The following BCL7C variants were observed in gnomAD, a reference collection of about 807,000 sequenced individuals.
The protein encoded by BCL7C is BAF chromatin remodeling complex subunit BCL7C, also known as B-cell CLL/lymphoma 7 protein family member C.
BCL7C carries 8 observed loss-of-function variants against 26.2 expected under a neutral mutation model. That is an observed-to-expected ratio of 0.30 (90% CI 0.18 to 0.55). BCL7C has a LOEUF of 0.55. Ranked by LOEUF, BCL7C falls within the 20% of genes least tolerant of loss-of-function variation. The pLI, the probability that BCL7C is intolerant of heterozygous loss-of-function variation, is 0.93. For missense variants in BCL7C, 262 were observed against 298.5 expected (o/e 0.88, Z 0.90); for synonymous variants, 90 against 116.5 (o/e 0.77, Z 1.47).
At chr16:30,890,899 C>T (rs924737675) in intron 4 of BCL7C, among the ~76,000 whole-genome samples, 1 of 151,882 alleles carries the variant, frequency 6.6e-6, no homozygotes, top group African/African-American at 2.4e-5. Context: ...GCGGGAGAAT[C>T]GCTTGAACCC....
chr16:30,873,495 T>C (rs2054899267), intron 5 of BCL7C, among the ~76,000 whole-genome samples: 2 of 152,166 alleles, frequency 1.3e-5, no homozygotes, highest in Admixed American at 6.6e-5. Flanking sequence ...CTGTACACTT[T>C]AAATGGGTGA....
intron 5 of BCL7C, among the ~76,000 whole-genome samples, chr16:30,873,441 G>A (rs1452158351): frequency 6.6e-6 from 1 of 152,152 alleles, no homozygotes; most frequent in Non-Finnish European, 1.5e-5. Flanking sequence ...AAAATTGACT[G>A]TGGTGATATT....
intron 4 of BCL7C, among the ~76,000 whole-genome samples, chr16:30,891,960 TA>T (rs1230112354): frequency 1.8e-5 from 2 of 109,052 alleles, no homozygotes; most frequent in Non-Finnish European, 3.6e-5. Flanking sequence ...ACCTTGTCTC[TA>T]AAAAAAAGGG....
At chr16:30,888,035 C>G in intron 5 of BCL7C, 45 bp from the exon 6 acceptor site, 4 of 1,563,984 alleles carry the variant, frequency 2.6e-6, no homozygotes, top group Non-Finnish European at 3.5e-6. Context: ...AGAACCCAGG[C>G]GTCCAGCCTC....
chr16:30,856,593 C>T (rs540728895), intron 5 of BCL7C, among the ~76,000 whole-genome samples: 1 of 152,176 alleles, frequency 6.6e-6, no homozygotes, highest in East Asian at 1.9e-4. Flanking sequence ...TGTGCAGCCA[C>T]TGAAGTCTGC....
chr16:30,888,824 C>T (rs1485603980), intron 5 of BCL7C, 36 bp downstream of exon 5: 7 of 1,605,408 alleles, frequency 4.4e-6, no homozygotes, highest in South Asian at 2.2e-5. Context: ...CCATTCCCTC[C>T]AAGACCCAGG....
chr16:30,845,029 T>C (rs533060139), intron 5 of BCL7C, among the ~76,000 whole-genome samples: 1 of 152,272 alleles, frequency 6.6e-6, no homozygotes, highest in Admixed American at 6.5e-5. Flanking sequence ...TGAAAAGTCC[T>C]TGGGAGGCTC....
Position 30,893,253 on chromosome 16 carries a change from G to A in BCL7C, c.130C>T (p.Arg44Cys), listed in dbSNP as rs772485153. Residue 44 changes from arginine to cysteine, a missense_variant, in exon 2 of 6, where the codon CGT (arginine) becomes TGT (cysteine). By Grantham distance (180) the Arg-to-Cys change is radical. Transcript: ENST00000215115. This position sits in a 1 kb window ranked among gnomAD's most constrained non-coding sequence, Gnocchi z 5.2. ...ACCACTGGCACCCACTTGAAGATAC[G>A]AAGGGAAGTGTCGCCCACAGTCACC... ...RWVTVGDTSLRIFKWVPVVDP... is the reference protein window; with the variant it reads ...RWVTVGDTSLCIFKWVPVVDP... 3.1e-6 allele frequency: 5 copies of A among 1,613,708 alleles called. No individual in the cohort carries two copies. Among genetic ancestry groups the A allele is most frequent in the South Asian group, 1.1e-5 (1 of 91,052 alleles).
At chr16:30,867,057 A>G (rs1446199964) in intron 5 of BCL7C, among the ~76,000 whole-genome samples, 1 of 152,218 alleles carries the variant, frequency 6.6e-6, no homozygotes, top group Non-Finnish European at 1.5e-5. Flanking sequence ...CTGTCTCAAA[A>G]ACAAACAAAA....
chr16:30,863,089 C>A (rs908745778), intron 5 of BCL7C, among the ~76,000 whole-genome samples: 1 of 152,050 alleles, frequency 6.6e-6, no homozygotes, highest in East Asian at 1.9e-4. Flanking sequence ...CACACCTGAC[C>A]CCCATGACTG....
At chr16:30,885,576 G>A (rs968039481), downstream of BCL7C, among the ~76,000 whole-genome samples, 1 of 152,002 alleles carries the variant, frequency 6.6e-6, no homozygotes, top group Admixed American at 6.6e-5. Context: ...GCCAACTTTT[G>A]TATTTTTAGT....
chr16:30,845,473 AGTTTCCT>A (rs1163082735), intron 5 of BCL7C, among the ~76,000 whole-genome samples: 3 of 152,152 alleles, frequency 2.0e-5, no homozygotes, highest in African/African-American at 7.2e-5. Context: ...CTGCAGAGTG[AGTTTCCT>A]ACAGTTCTTG....
chr16:30,849,163 G>A (rs1419747390), intron 5 of BCL7C, among the ~76,000 whole-genome samples: 2 of 151,598 alleles, frequency 1.3e-5, no homozygotes, highest in African/African-American at 4.9e-5. Context: ...CTCCAGCCTG[G>A]GGGACAGAGC....
intron 5 of BCL7C, chr16:30,875,498 C>T (rs991530372): frequency 2.6e-5 from 4 of 152,252 alleles, no homozygotes; most frequent in Non-Finnish European, 4.4e-5. Flanking sequence ...TTGGAAGGGT[C>T]GCGGGGCCTC....
At chr16:30,870,196 C>A (rs1219784554) in intron 5 of BCL7C, among the ~76,000 whole-genome samples, 1 of 152,190 alleles carries the variant, frequency 6.6e-6, no homozygotes, top group Non-Finnish European at 1.5e-5. Context: ...CTCAGCCCAG[C>A]TGCTGCTCTA....
chr16:30,890,397 G>T (rs2055207374), intron 4 of BCL7C, among the ~76,000 whole-genome samples: 1 of 150,390 alleles, frequency 6.6e-6, no homozygotes, highest in Non-Finnish European at 1.5e-5. Flanking sequence ...CCATCTCAAA[G>T]GAAAAAAAAA....
At chr16:30,873,954 T>TACACACACACACACACACACACACAC (rs145435913) in intron 5 of BCL7C, among the ~76,000 whole-genome samples, 27 of 137,724 alleles carry the variant, frequency 2.0e-4, no homozygotes, top group African/African-American at 6.2e-4. Flanking sequence ...GATATATGTA[T>TACACACACACACACACACACACACAC]ACACACACAC....
rs112518198 is a variant in BCL7C, at chr16:30,888,072, C to T, written c.529-82G>A. The T allele has an allele frequency of 3.2e-4, 453 of 1,433,412 alleles. 1 individual carries two copies. The African/African-American group carries it at 5.8e-3, about 18-fold the overall frequency. 88.8% of individuals were successfully genotyped at this position (1,433,412 alleles called of 1,614,324 possible). A position where few individuals can be genotyped will look rare whatever the true frequency, so the allele number is the denominator to read the frequency against. On this transcript the variant is annotated intron_variant, in intron 5 of 5. Coordinates refer to ENST00000215115, the MANE Select transcript of BCL7C (RefSeq NM_004765.4). ...GAGCCTCTGCCTTCTCCAAAGCCTCCACTCCCCTCCCCTCCTGGGCCCGGG... is the reference window on the plus strand; with the variant it reads ...GAGCCTCTGCCTTCTCCAAAGCCTCTACTCCCCTCCCCTCCTGGGCCCGGG...
At chr16:30,835,855 A>G (rs1285715705) in intron 5 of BCL7C, among the ~76,000 whole-genome samples, 5 of 151,758 alleles carry the variant, frequency 3.3e-5, no homozygotes, top group African/African-American at 9.7e-5. Flanking sequence ...GAAGAAAAAA[A>G]AGAAAAAATT....
Sources: gnomAD v4.1 joint callset for allele counts (sites outside exome capture counted in the v4.1 genomes callset) on GRCh38, gnomAD v4.1.1 for gene constraint, Gnocchi (gnomAD v3.1) non-coding constraint, MANE v1.5 for transcripts, NCBI Gene and HGNC (gene_info 2026-07-23, HGNC 2026-07-21) for gene names.